The following PRUNE2 variants were observed in gnomAD, a reference collection of about 807,000 sequenced individuals.
The protein encoded by PRUNE2 is prune homolog 2 with BCH domain.
A neutral mutation model predicts 252.0 loss-of-function variants in PRUNE2; 164 were observed. That is an observed-to-expected ratio of 0.65 (90% CI 0.57 to 0.74). The LOEUF (loss-of-function observed/expected upper bound fraction) is 0.74. Ranked by LOEUF, PRUNE2 falls within the 30% of genes least tolerant of loss-of-function variation. The probability of loss-of-function intolerance (pLI) is 0.00; values close to 1 mark genes in which losing one functional copy is unlikely to be tolerated. For missense variants in PRUNE2, 3,495 were observed against 3,711.0 expected (o/e 0.94, Z 1.51); for synonymous variants, 1,292 against 1,350.2 (o/e 0.96, Z 0.94).
intron 6 of PRUNE2, chr9:76,785,626 CT>C (rs1421094750): frequency 6.6e-6 from 1 of 151,916 alleles, no homozygotes. Context: ...TGTGTTTGTC[CT>C]TGTAGTTAAT....
chr9:76,661,108 T>C (rs966124833), intron 9 of PRUNE2, among the ~76,000 whole-genome samples: 1 of 152,152 alleles, frequency 6.6e-6, no homozygotes, highest in Admixed American at 6.5e-5. Flanking sequence ...TAGCAGGTAA[T>C]GTCACCAAGA....
chr9:76,773,598 C>T (rs758131105), intron 6 of PRUNE2, among the ~76,000 whole-genome samples: 1 of 152,130 alleles, frequency 6.6e-6, no homozygotes, highest in Non-Finnish European at 1.5e-5. Flanking sequence ...CACCTGCCAG[C>T]AAGCCAGGCT....
At chr9:76,718,946 A>G (rs2047394529) in intron 6 of PRUNE2, among the ~76,000 whole-genome samples, 1 of 152,072 alleles carries the variant, frequency 6.6e-6, no homozygotes, top group Non-Finnish European at 1.5e-5. Flanking sequence ...AGCAAATCCT[A>G]TTAACATTGC....
intron 18 of PRUNE2, among the ~76,000 whole-genome samples, chr9:76,615,770 T>TTTTG (rs1554756772): frequency 0.11 from 325 of 2,886 alleles, 5 homozygotes; most frequent in African/African-American, 0.16. Context: ...GTGTGTGTGG[T>TTTTG]TTTTTTTTTT....
intron 12 of PRUNE2, chr9:76,644,437 CCAAA>C (rs1479966666): frequency 2.4e-6 from 1 of 417,446 alleles, no homozygotes; most frequent in Non-Finnish European, 4.6e-6. Context: ...GATAAGAATG[CCAAA>C]CAGACATTTA....
At chr9:76,704,555 G>A (rs2046168159) in intron 8 of PRUNE2, among the ~76,000 whole-genome samples, 1 of 152,120 alleles carries the variant, frequency 6.6e-6, no homozygotes, top group Non-Finnish European at 1.5e-5. Context: ...AGAGTCATTC[G>A]ATTTTCTCGT....
chr9:76,712,240 G>A (rs1022151074), intron 7 of PRUNE2, among the ~76,000 whole-genome samples: 12 of 152,248 alleles, frequency 7.9e-5, no homozygotes, highest in Non-Finnish European at 1.3e-4. Context: ...AATTCCACAA[G>A]GTAGGAACTC....
At chr9:76,627,302 G>GA (rs1463498791) in intron 16 of PRUNE2, among the ~76,000 whole-genome samples, 1 of 123,702 alleles carries the variant, frequency 8.1e-6, no homozygotes, top group African/African-American at 2.6e-5. Context: ...GGGGTGGCGG[G>GA]GGGCTCACCA....
At chr9:76,843,600 T>C (rs61374672) in intron 4 of PRUNE2, among the ~76,000 whole-genome samples, 14,053 of 152,200 alleles carry the variant, frequency 0.092, 853 homozygotes, top group African/African-American at 0.17. Context: ...ATGAAAATAA[T>C]GCTAAAGTTA....
intron 1 of PRUNE2, among the ~76,000 whole-genome samples, chr9:76,883,205 C>T (rs2061892579): frequency 6.6e-6 from 1 of 152,144 alleles, no homozygotes. Context: ...ACTACATTGT[C>T]ACTATTAAAT....
At chr9:76,693,588 C>T (rs1024223678) in intron 9 of PRUNE2, among the ~76,000 whole-genome samples, 2 of 151,818 alleles carry the variant, frequency 1.3e-5, no homozygotes, top group Admixed American at 1.3e-4. Context: ...GGACCACAGG[C>T]GTGCACCACC....
At chr9:76,881,991 G>C (rs889329728) in intron 1 of PRUNE2, among the ~76,000 whole-genome samples, 1 of 151,972 alleles carries the variant, frequency 6.6e-6, no homozygotes, top group Non-Finnish European at 1.5e-5. Flanking sequence ...CTTTCACTTT[G>C]CATAATGTTT....
At chr9:76,693,918 G>C (rs149725325) in intron 9 of PRUNE2, among the ~76,000 whole-genome samples, 1,832 of 152,286 alleles carry the variant, frequency 0.012, 38 homozygotes, top group African/African-American at 0.04. Context: ...CCACAGGAAG[G>C]TGTCACTTTG....
rs1260208143 is a variant in PRUNE2 at position 76,704,981 on chromosome 9, A to G, written c.7293T>C (p.Leu2431=). 3 of 1,613,678 alleles carry G rather than the reference A, an allele frequency of 1.9e-6. No individual in the cohort carries two copies. The highest frequency in any genetic ancestry group is 3.3e-5 in the Admixed American group (2 of 59,986). ...SLGCRAAEIV[L]SALPDRRSEG... ...CACTTCTTCGATCAGGAAGTGCAGAAAGCACTATCTCTGCTGCTCTGCATC... is the reference window on the plus strand; with the variant it reads ...CACTTCTTCGATCAGGAAGTGCAGAGAGCACTATCTCTGCTGCTCTGCATC... Residue 2431 remains leucine (L), a synonymous_variant, in exon 8 of 19, where the codon CTT becomes CTC. Coordinates refer to ENST00000376718, the MANE Select transcript of PRUNE2 (RefSeq NM_015225.3).
intron 9 of PRUNE2, among the ~76,000 whole-genome samples, chr9:76,678,545 C>G (rs1400050683): frequency 6.6e-6 from 1 of 152,024 alleles, no homozygotes; most frequent in Non-Finnish European, 1.5e-5. Context: ...AAAGACCTTC[C>G]TTGGCCGGGC....
At chr9:76,830,696 A>G (rs1008897387) in intron 4 of PRUNE2, among the ~76,000 whole-genome samples, 4 of 151,824 alleles carry the variant, frequency 2.6e-5, no homozygotes, top group African/African-American at 9.7e-5. Context: ...AAAAACTATG[A>G]GCCCAAATCA....
intron 6 of PRUNE2, among the ~76,000 whole-genome samples, chr9:76,747,219 T>C (rs554030861): frequency 1.3e-5 from 2 of 152,284 alleles, no homozygotes; most frequent in African/African-American, 2.4e-5. Flanking sequence ...GGTGTTGTGG[T>C]GTCTAAGAGG....
chr9:76,799,658 C>T (rs11145075), intron 6 of PRUNE2, among the ~76,000 whole-genome samples: 2 of 152,000 alleles, frequency 1.3e-5, no homozygotes, highest in African/African-American at 2.4e-5. Context: ...GTATATTAAG[C>T]CTGGGTTGTC....
intron 18 of PRUNE2, among the ~76,000 whole-genome samples, chr9:76,619,133 T>C (rs1477337370): frequency 6.6e-6 from 1 of 152,218 alleles, no homozygotes; most frequent in African/African-American, 2.4e-5. Flanking sequence ...TGTCCACAGG[T>C]TGTCCTTTAG....
Sources: allele counts gnomAD v4.1 joint callset (sites outside exome capture counted in the v4.1 genomes callset), GRCh38; gene constraint gnomAD v4.1.1; transcripts MANE v1.5; gene names NCBI Gene and HGNC (gene_info 2026-07-23, HGNC 2026-07-21).